The following NR2C2AP variants were observed in gnomAD, a reference collection of about 807,000 sequenced individuals.
NR2C2AP encodes nuclear receptor 2C2 associated protein.
NR2C2AP carries 13 observed loss-of-function variants against 19.1 expected under a neutral mutation model. The observed-to-expected ratio is 0.68, with a 90% CI of 0.44 to 1.08. NR2C2AP has a LOEUF of 1.08. Among genes scored for constraint, NR2C2AP ranks in the 50% least tolerant of loss-of-function variants. The pLI, the probability that NR2C2AP is intolerant of heterozygous loss-of-function variation, is 0.00. For missense variants in NR2C2AP, 181 were observed against 172.7 expected, an observed-to-expected ratio of 1.05 and a Z score of -0.27; for synonymous variants, 81 against 64.4, an observed-to-expected ratio of 1.26 and a Z score of -1.23.
At position 19,203,134 on chromosome 19, in the gene NR2C2AP, T is replaced by G; in HGVS notation, c.-74A>C. 1 of 1,531,326 alleles carries G rather than the reference T, an allele frequency of 6.5e-7. No homozygotes were observed. Among genetic ancestry groups the G allele is most frequent in the Non-Finnish European group, 9.0e-7 (1 of 1,112,174 alleles). 94.9% of individuals were successfully genotyped at this position (1,531,326 alleles called of 1,614,324 possible). The stretch of plus-strand genomic sequence containing the variant: ...TTCGAATCCCGGCGCCTCCTCAAGC[T>G]ACAGGGCGGCGCGATCTTGGCTACG... On this transcript the variant is annotated 5_prime_UTR_variant, in exon 1 of 5. Coordinates refer to ENST00000331552, the MANE Select transcript of NR2C2AP (RefSeq NM_176880.6).
Position 19,202,029 on chromosome 19 carries a change from GTA to G in NR2C2AP, c.314_315del (p.Ile105ThrfsTer4). 1 of 1,614,188 alleles carries G rather than the reference GTA, an allele frequency of 6.2e-7. No individual in the cohort carries two copies. Among genetic ancestry groups the G allele is most frequent in the South Asian group, 1.1e-5 (1 of 91,088 alleles). ...EDNNSLQTFP[I>X]PAAEVDRLKV... ...TTCAGCCGGTCCACTTCAGCAGCTGGTATGGGGAAAGTGTGAGCGTGGGCAGT... is the reference window on the plus strand; with the variant it reads ...TTCAGCCGGTCCACTTCAGCAGCTGGTGGGGAAAGTGTGAGCGTGGGCAGT... On this transcript the variant is annotated frameshift_variant, in exon 5 of 5. Coordinates refer to ENST00000331552, the MANE Select transcript of NR2C2AP (RefSeq NM_176880.6). LOFTEE classifies it high-confidence loss of function.
In NR2C2AP at chr19:19,202,545, G is replaced by C; in HGVS notation, c.160C>G (p.Pro54Ala). Reference protein sequence around the residue: ...GPSQWVTLEFPQLIRVSQLQI... With the variant: ...GPSQWVTLEFAQLIRVSQLQI... ...AGCTGGGAGACACGGATGAGCTGGG[G>C]AAACTCCAGCGTCACCCACTGGGAG... is the stretch of plus-strand genomic sequence containing the variant. The change falls in exon 3 of 5, where the codon CCC becomes GCC. Residue 54 changes from proline (P) to alanine (A), a missense_variant. Coordinates refer to ENST00000331552, the MANE Select transcript of NR2C2AP (RefSeq NM_176880.6). The C allele has an allele frequency of 6.2e-7, 1 of 1,613,590 alleles. No individual in the cohort carries two copies. Among genetic ancestry groups the C allele is most frequent in the Non-Finnish European group, 8.5e-7 (1 of 1,180,008 alleles).
Position 19,202,039 on chromosome 19 carries a change from A to G in NR2C2AP, c.306T>C (p.Thr102=). 1 of 1,614,122 alleles carries G rather than the reference A, an allele frequency of 6.2e-7. No individual in the cohort carries two copies. Among genetic ancestry groups the G allele is most frequent in the African/African-American group, 1.3e-5 (1 of 75,018 alleles). ...CCACTTCAGCAGCTGGTATGGGGAA[A>G]GTGTGAGCGTGGGCAGTCAAGGGAA... ...FYPEDNNSLQ[T]FPIPAAEVDR... The change falls in exon 5 of 5, where the codon ACT becomes ACC. Residue 102 remains threonine (T), a splice_region_variant and synonymous_variant. Transcript: ENST00000331552.
chr19:19,203,029 A>G lies in NR2C2AP; in HGVS notation c.32T>C (p.Val11Ala), dbSNP rs375564950. 6.2e-7 allele frequency: 1 copy of G among 1,614,050 alleles called. No homozygotes were observed. The highest frequency in any genetic ancestry group is 8.5e-7 in the Non-Finnish European group (1 of 1,179,932). Residue 11 changes from valine (V) to alanine (A), a missense_variant, in exon 1 of 5, where the codon GTG becomes GCG. By Grantham distance (64) the Val-to-Ala change is moderately conservative. Coordinates refer to ENST00000331552, the MANE Select transcript of NR2C2AP (RefSeq NM_176880.6). MTHSLVCPETVSRVSSVLNRN... is the reference protein window; with the variant it reads MTHSLVCPETASRVSSVLNRN... ...TGTCCCCACAGACTCTTACCTGCTC[A>G]CTGTCTCTGGACAAACCAAAGAGTG...
At position 19,202,873 on chromosome 19, in the gene NR2C2AP, G is replaced by GAACT; in HGVS notation, c.43_46dup (p.Ser16Ter). Reference sequence around the variant, plus strand: ...CTGCCGAGTGTTGCGATTCAGCACTGAACTCACCCTGGAGGCACCAGGATC... The same window carrying GAACT: ...CTGCCGAGTGTTGCGATTCAGCACTGAACTAACTCACCCTGGAGGCACCAGGATC... On this transcript the variant is annotated stop_gained and frameshift_variant, in exon 2 of 5. Transcript: ENST00000331552. LOFTEE classifies it high-confidence loss of function. 6.2e-7 allele frequency: 1 copy of GAACT among 1,613,596 alleles called. No individual in the cohort carries two copies.
At position 19,203,097 on chromosome 19, in the gene NR2C2AP, GCACAGCCTTGGTT is replaced by G; in HGVS notation, c.-50_-38del. ...AAGACCTCGCAGGGCTTAGGATTGG[GCACAGCCTTGGTT>G]CGAATCCCGGCGCCTCCTCAAGCTA... On this transcript the variant is annotated 5_prime_UTR_variant, in exon 1 of 5. Coordinates refer to ENST00000331552, the MANE Select transcript of NR2C2AP (RefSeq NM_176880.6). 1 of 1,612,140 alleles carries G rather than the reference GCACAGCCTTGGTT, an allele frequency of 6.2e-7. No individual in the cohort carries two copies. Among genetic ancestry groups the G allele is most frequent in the East Asian group, 2.2e-5 (1 of 44,816 alleles).
chr19:19,203,019 T>G lies in NR2C2AP; in HGVS notation c.38+4A>C. 1 of 1,614,160 alleles carries G rather than the reference T, an allele frequency of 6.2e-7. No individual in the cohort carries two copies. The highest frequency in any genetic ancestry group is 1.1e-5 in the South Asian group (1 of 91,086). On this transcript the variant is annotated splice_donor_region_variant and intron_variant, in intron 1 of 4. Coordinates refer to ENST00000331552, the MANE Select transcript of NR2C2AP (RefSeq NM_176880.6). ...CGCCACTGCCTGTCCCCACAGACTC[T>G]TACCTGCTCACTGTCTCTGGACAAA...
chr19:19,203,072 A>G lies in NR2C2AP; in HGVS notation c.-12T>C. 1 of 1,613,806 alleles carries G rather than the reference A, an allele frequency of 6.2e-7. No individual in the cohort carries two copies. The highest frequency in any genetic ancestry group is 2.2e-5 in the East Asian group (1 of 44,900). On this transcript the variant is annotated 5_prime_UTR_variant, in exon 1 of 5. Transcript: ENST00000331552. The stretch of plus-strand genomic sequence containing the variant: ...AAAGAGTGGGTCATGTCGGTTCCAC[A>G]AGACCTCGCAGGGCTTAGGATTGGG...
Position 19,202,386 on chromosome 19 carries a change from G to A in NR2C2AP, c.248C>T (p.Thr83Ile), listed in dbSNP as rs757437677. 10 of 1,614,054 alleles carry A rather than the reference G, an allele frequency of 6.2e-6. No individual in the cohort carries two copies. In the South Asian group the frequency reaches 1.1e-4, roughly 18 times the overall value. Residue 83 changes from threonine (T) to isoleucine (I), a missense_variant, in exon 4 of 5, where the codon ACT becomes ATT. Thr to Ile is a moderately conservative substitution (Grantham distance 89, BLOSUM62 -1). Coordinates refer to ENST00000331552, the MANE Select transcript of NR2C2AP (RefSeq NM_176880.6). ...ATCTACAATCTTGTGGAGAGCCTGA[G>A]TGCCCTGTGAACCTTCAGCAGAGAA... ...RRGCLEGSQG[T>I]QALHKIVDFY...
intron 4 of NR2C2AP, 32 bp downstream of exon 4, chr19:19,202,299 G>T (rs755668814): frequency 6.2e-7 from 1 of 1,607,566 alleles, no homozygotes; most frequent in Non-Finnish European, 8.5e-7. Flanking sequence ...CAGAGGCACA[G>T]ACCACCCACC....
In NR2C2AP at chr19:19,202,650, T is replaced by C; in HGVS notation, c.130-75A>G. The C allele has an allele frequency of 4.2e-6, 6 of 1,432,350 alleles. No individual in the cohort carries two copies. The East Asian group carries it at 9.2e-5, about 22-fold the overall frequency. The allele number at this position is 1,432,350 out of a possible 1,614,324, so 88.7% of individuals were successfully genotyped here. On this transcript the variant is annotated intron_variant, in intron 2 of 4. Coordinates refer to ENST00000331552, the MANE Select transcript of NR2C2AP (RefSeq NM_176880.6). ...CCCTGCTATGCCTGTCTCATTCACA[T>C]AGTTCTTGGAATGGAGGGGAAGAAG... is the stretch of plus-strand genomic sequence containing the variant.
Position 19,202,089 on chromosome 19 carries a change from C to T in NR2C2AP, c.304-48G>A, listed in dbSNP as rs749954713. The T allele has an allele frequency of 8.8e-5, 140 of 1,593,256 alleles. No individual in the cohort carries two copies. The highest frequency in any genetic ancestry group is 1.1e-4 in the Non-Finnish European group (131 of 1,163,308). ...AACTGGTGATTTCTGGTTTCCCACC[C>T]GCAGGCCCCCACCCCTTCCAGACCC... On this transcript the variant is annotated intron_variant, in intron 4 of 4. Transcript: ENST00000331552.
rs1404941088 is a variant in NR2C2AP, at chr19:19,201,942, G to A, written c.403C>T (p.Leu135Phe). Residue 135 changes from leucine (L) to phenylalanine (F), a missense_variant, in exon 5 of 5, where the codon CTT becomes TTT. Leu to Phe is a conservative substitution (Grantham distance 22). Coordinates refer to ENST00000331552, the MANE Select transcript of NR2C2AP (RefSeq NM_176880.6). ...TAGAGGTCTCACACCTTCTCCCCAA[G>A]CACCCGCAGGTGGTAGATGACCACA... ...GRVVIYHLRV[L>F]GEKV 1.9e-6 allele frequency: 3 copies of A among 1,614,222 alleles called. No homozygotes were observed. The Admixed American group carries it at 5.0e-5, about 27-fold the overall frequency.
Position 19,202,477 on chromosome 19 carries a change from G to A in NR2C2AP, c.228C>T (p.Cys76=). ...CCCAGGGCCTTCTAGTACCTTCCAG[G>A]CAGCCCCGGCGACTGGAGAAGCCAC... is the stretch of plus-strand genomic sequence containing the variant. The part of the protein sequence containing the change: ...FQGGFSSRRG[C]LEGSQGTQAL... The change falls in exon 3 of 5, where the codon TGC becomes TGT. Residue 76 remains cysteine, a synonymous_variant. Transcript: ENST00000331552. The A allele has an allele frequency of 6.2e-7, 1 of 1,613,860 alleles. No individual in the cohort carries two copies. The highest frequency in any genetic ancestry group is 8.5e-7 in the Non-Finnish European group (1 of 1,179,780).
rs1424136417 is a variant in NR2C2AP, at chr19:19,202,812, C to G, written c.108G>C (p.Glu36Asp). The change falls in exon 2 of 5, where the codon GAG becomes GAC. Residue 36 changes from glutamate to aspartate, a missense_variant. Physicochemically the swap from Glu to Asp is conservative, Grantham distance 45. Coordinates refer to ENST00000331552, the MANE Select transcript of NR2C2AP (RefSeq NM_176880.6). The part of the protein sequence containing the change: ...GKKHLFDQDE[E>D]TCWNSDQGPS... ...TCACCTGGTCTGAGTTCCAACATGT[C>G]TCCTCATCCTGGTCGAAAAGATGTT... 1 of 1,613,886 alleles carries G rather than the reference C, an allele frequency of 6.2e-7. No individual in the cohort carries two copies. The highest frequency in any genetic ancestry group is 1.7e-5 in the Admixed American group (1 of 60,014).
rs571110961 is a variant in NR2C2AP, at chr19:19,202,055, G to A, written c.304-14C>T. 1 of 1,613,854 alleles carries A rather than the reference G, an allele frequency of 6.2e-7. No homozygotes were observed. The highest frequency in any genetic ancestry group is 2.2e-5 in the East Asian group (1 of 44,878). On this transcript the variant is annotated splice_polypyrimidine_tract_variant and intron_variant, in intron 4 of 4. Transcript: ENST00000331552. Reference sequence around the variant, plus strand: ...TATGGGGAAAGTGTGAGCGTGGGCAGTCAAGGGAAACTGGTGATTTCTGGT... The same window carrying A: ...TATGGGGAAAGTGTGAGCGTGGGCAATCAAGGGAAACTGGTGATTTCTGGT...
chr19:19,201,756 A>G lies in NR2C2AP; in HGVS notation c.*169T>C, dbSNP rs1488781605. The G allele has an allele frequency of 6.2e-7, 1 of 1,613,570 alleles. No individual in the cohort carries two copies. Among genetic ancestry groups the G allele is most frequent in the Non-Finnish European group, 8.5e-7 (1 of 1,179,920 alleles). The stretch of plus-strand genomic sequence containing the variant: ...CGGGGACTCAGACACTCAGGGAACA[A>G]AATGGTCAGCCAGAGCTGGGGAAAC... On this transcript the variant is annotated 3_prime_UTR_variant, in exon 5 of 5. Coordinates refer to ENST00000331552, the MANE Select transcript of NR2C2AP (RefSeq NM_176880.6).
In NR2C2AP at chr19:19,202,796, C is replaced by A; in HGVS notation, c.124G>T (p.Asp42Tyr). The change falls in exon 2 of 5, where the codon GAC becomes TAC. Residue 42 changes from aspartate (D) to tyrosine (Y), a missense_variant. Physicochemically the swap from Asp to Tyr is radical, Grantham distance 160 (BLOSUM62 -3). Transcript: ENST00000331552. ...GGTCGAGGGAGGCGCCTCACCTGGT[C>A]TGAGTTCCAACATGTCTCCTCATCC... ...DQDEETCWNS[D>Y]QGPSQWVTLE... 6.2e-7 allele frequency: 1 copy of A among 1,613,710 alleles called. No individual in the cohort carries two copies. Among genetic ancestry groups the A allele is most frequent in the South Asian group, 1.1e-5 (1 of 91,046 alleles).
Position 19,201,874 on chromosome 19 carries a change from C to A in NR2C2AP, c.*51G>T. 1 of 1,613,248 alleles carries A rather than the reference C, an allele frequency of 6.2e-7. No homozygotes were observed. On this transcript the variant is annotated 3_prime_UTR_variant, in exon 5 of 5. Transcript: ENST00000331552. ...TAAACCTTCTGTGCAGAATGAGGGA[C>A]TTTGCTGTGCTTCCCGGAGGGCTTC...
Sources: gnomAD v4.1 joint callset for allele counts on GRCh38, gnomAD v4.1.1 for gene constraint, MANE v1.5 for transcripts, NCBI Gene and HGNC (gene_info 2026-07-23, HGNC 2026-07-21) for gene names.